Variants in SLC2A6 observed in about 807,000 individuals in gnomAD.
SLC2A6 encodes the protein solute carrier family 2 member 6, also known as solute carrier family 2, facilitated glucose transporter member 6.
SLC2A6 carries 39 observed loss-of-function variants against 47.8 expected under a neutral mutation model. That is an observed-to-expected ratio of 0.82 (90% CI 0.63 to 1.07). The LOEUF is 1.07. Ranked by LOEUF, SLC2A6 falls within the 50% of genes least tolerant of loss-of-function variation. The pLI, the probability that SLC2A6 is intolerant of heterozygous loss-of-function variation, is 0.00. For synonymous variants in SLC2A6, 346 were observed against 324.1 expected (o/e 1.07, Z -0.73); for missense variants, 650 against 707.6 (o/e 0.92, Z 0.92).
rs587642791 is a variant in SLC2A6 at position 133,474,128 on chromosome 9, C to G, written c.928-40G>C. The G allele has an allele frequency of 1.1e-5, 17 of 1,492,692 alleles. No homozygotes were observed. In the East Asian group the frequency reaches 4.0e-4, roughly 35 times the overall value. 92.5% of individuals were successfully genotyped at this position (1,492,692 alleles called of 1,614,324 possible). On this transcript the variant is annotated intron_variant, in intron 6 of 9. Coordinates refer to ENST00000371899, the MANE Select transcript of SLC2A6 (RefSeq NM_017585.4). ...CCACCAGGGCTGAGGGACCTGCCTGCTGTTCCCATCCCCCTCCAGGACCCA... is the reference window on the plus strand; with the variant it reads ...CCACCAGGGCTGAGGGACCTGCCTGGTGTTCCCATCCCCCTCCAGGACCCA...
chr9:133,472,096 C>G lies in SLC2A6; in HGVS notation c.1449G>C (p.Val483=). Residue 483 remains valine (V), a synonymous_variant, in exon 10 of 10, where the codon GTG becomes GTC. Transcript: ENST00000371899. ...LVSLVFTGCC[V]PETKGRSLEQ... ...CCAGGGACCGTCCCTTGGTCTCGGG[C>G]ACACAGCAGCCTGTGAACACCAGGC... 4.3e-6 allele frequency: 7 copies of G among 1,613,436 alleles called. No homozygotes were observed. Among genetic ancestry groups the G allele is most frequent in the Non-Finnish European group, 5.9e-6 (7 of 1,179,940 alleles).
chr9:133,477,315 G>T (rs1843995335), intron 2 of SLC2A6, 74 bp from the exon 3 acceptor site: 2 of 1,446,310 alleles, frequency 1.4e-6, no homozygotes, highest in Non-Finnish European at 9.4e-7. Context: ...TCCAGGGACA[G>T]CTTCTTCCCT....
At position 133,477,033 on chromosome 9, in the gene SLC2A6, A is replaced by C. The variant is rs1256313114; in HGVS notation, c.462+2T>G. The C allele has an allele frequency of 1.0e-5, 16 of 1,547,274 alleles. No individual in the cohort carries two copies. Among genetic ancestry groups the C allele is most frequent in the Admixed American group, 5.9e-5 (3 of 50,552 alleles). On this transcript the variant is annotated splice_donor_variant, in intron 3 of 9. Coordinates refer to ENST00000371899, the MANE Select transcript of SLC2A6 (RefSeq NM_017585.4). LOFTEE classifies it high-confidence loss of function. ...CGCCTGGGTGGGAAGGCCTGGCCTTACCGGGATGCAGGCAGCTGTGAGCCC... is the reference window on the plus strand; with the variant it reads ...CGCCTGGGTGGGAAGGCCTGGCCTTCCCGGGATGCAGGCAGCTGTGAGCCC...
rs1341746697 is a variant in SLC2A6 at position 133,472,064 on chromosome 9, A to T, written c.1481T>A (p.Ile494Asn). 7 of 1,613,168 alleles carry T rather than the reference A, an allele frequency of 4.3e-6. No homozygotes were observed. Among genetic ancestry groups the T allele is most frequent in the Non-Finnish European group, 5.9e-6 (7 of 1,179,882 alleles). The change falls in exon 10 of 10, where the codon ATC (isoleucine) becomes AAC (asparagine). Residue 494 changes from isoleucine to asparagine, a missense_variant. By Grantham distance (149) the Ile-to-Asn change is moderately radical (BLOSUM62 -3). Transcript: ENST00000371899. ...TCTCCCCGTGCGGAAGAAGGACTCG[A>T]TCTGCTCCAGGGACCGTCCCTTGGT... ...PETKGRSLEQ[I>N]ESFFRTGRRS...
At chr9:133,475,308 T>C (rs990723465) in intron 5 of SLC2A6, 92 bp downstream of exon 5, 1 of 1,413,024 alleles carries the variant, frequency 7.1e-7, no homozygotes, top group Non-Finnish European at 9.4e-7. Context: ...GGAACTACTG[T>C]GGTCCTGTCT....
chr9:133,478,457 C>A (rs782626700), intron 1 of SLC2A6, 41 bp from the exon 2 acceptor site: 3 of 1,609,718 alleles, frequency 1.9e-6, no homozygotes, highest in Non-Finnish European at 2.5e-6. Flanking sequence ...GTCTCTGAGT[C>A]CCTCCTCCAG....
rs1172735313 is a variant in SLC2A6, at chr9:133,472,024, G to A, written c.1521C>T (p.Arg507=). ...CCCTCCAGGCGGGGACCTTGACCTAGCGCAAGAAGGACCTTCTCCCCGTGC... is the reference window on the plus strand; with the variant it reads ...CCCTCCAGGCGGGGACCTTGACCTAACGCAAGAAGGACCTTCTCCCCGTGC... ...FFRTGRRSFL[R] is the part of the protein sequence containing the mutation. Residue 507 remains arginine, a synonymous_variant, in exon 10 of 10, where the codon CGC becomes CGT. Transcript: ENST00000371899. The A allele has an allele frequency of 6.2e-7, 1 of 1,612,322 alleles. No homozygotes were observed. Among genetic ancestry groups the A allele is most frequent in the African/African-American group, 1.3e-5 (1 of 74,874 alleles).
Position 133,478,994 on chromosome 9 carries a change from C to A in SLC2A6, c.66G>T (p.Pro22=), listed in dbSNP as rs781784912. 8.8e-6 allele frequency: 14 copies of A among 1,594,742 alleles called. No individual in the cohort carries two copies. The East Asian group carries it at 3.2e-4, about 37-fold the overall frequency. Residue 22 remains proline, a synonymous_variant, in exon 1 of 10, where the codon CCG becomes CCT. Transcript: ENST00000371899. ...DYDTFPEKPP[P]SPGDRARVGT... ...CGACCCGCGCCCTGTCCCCTGGCGA[C>A]GGGGGCGGCTTCTCGGGGAAGGTGT...
chr9:133,475,982 A>C (rs1843930009), intron 4 of SLC2A6, among the ~76,000 whole-genome samples: 1 of 152,258 alleles, frequency 6.6e-6, no homozygotes, highest in Non-Finnish European at 1.5e-5. Flanking sequence ...CTGCCGTTAA[A>C]AGATAGTCTG....
chr9:133,473,947 G>A lies in SLC2A6; in HGVS notation c.1036+33C>T. The A allele has an allele frequency of 2.6e-6, 4 of 1,517,844 alleles. 1 individual carries two copies. Among genetic ancestry groups the A allele is most frequent in the Non-Finnish European group, 2.7e-6 (3 of 1,108,350 alleles). The allele number at this position is 1,517,844 out of a possible 1,614,324, so 94.0% of individuals were successfully genotyped here. A position where few individuals can be genotyped will look rare whatever the true frequency, so the allele number is the denominator to read the frequency against. ...GCCCAGCCCTGACCCATGCGGAGGA[G>A]TGGGGCAGGAGGGCTGCCTGCAGGG... On this transcript the variant is annotated intron_variant, in intron 7 of 9. Transcript: ENST00000371899.
At chr9:133,476,974 A>G in intron 3 of SLC2A6, 61 bp downstream of exon 3, 3 of 1,510,702 alleles carry the variant, frequency 2.0e-6, no homozygotes, top group Non-Finnish European at 2.7e-6. Context: ...CCTTAGTCAG[A>G]TGGAGGCTCA....
At chr9:133,474,397 G>C (rs1219846043) in intron 6 of SLC2A6, among the ~76,000 whole-genome samples, 1 of 152,240 alleles carries the variant, frequency 6.6e-6, no homozygotes, top group South Asian at 2.1e-4. Context: ...GGGGCAGGCT[G>C]ATGGAGATGT....
At chr9:133,478,446 G>A (rs1844043961) in intron 1 of SLC2A6, 30 bp from the exon 2 acceptor site, 2 of 1,612,912 alleles carry the variant, frequency 1.2e-6, no homozygotes, top group African/African-American at 2.7e-5. Flanking sequence ...AAAAGACCAG[G>A]GTCTCTGAGT....
rs1005811912 is a variant in SLC2A6 at position 133,472,973 on chromosome 9, G to A, written c.1368+132C>T. On this transcript the variant is annotated intron_variant, in intron 9 of 9. Coordinates refer to ENST00000371899, the MANE Select transcript of SLC2A6 (RefSeq NM_017585.4). ...TCTGGGGTCTCTGAGTTCAGGGGGT[G>A]TGTGCTCATCTCCTAGGGTCACTGA... The A allele has an allele frequency of 5.3e-6, 5 of 936,794 alleles. No individual in the cohort carries two copies. In the African/African-American group the frequency reaches 8.4e-5, roughly 16 times the overall value. The allele number at this position is 936,794 out of a possible 1,614,324, so 58.0% of individuals were successfully genotyped here.
At chr9:133,476,971 C>T in intron 3 of SLC2A6, 64 bp downstream of exon 3, 2 of 1,500,810 alleles carry the variant, frequency 1.3e-6, no homozygotes, top group Non-Finnish European at 1.8e-6. Flanking sequence ...AGGCCTTAGT[C>T]AGATGGAGGC....
At position 133,477,028 on chromosome 9, in the gene SLC2A6, G is replaced by C. The variant is rs1554803529; in HGVS notation, c.462+7C>G. On this transcript the variant is annotated splice_region_variant and intron_variant, in intron 3 of 9. Coordinates refer to ENST00000371899, the MANE Select transcript of SLC2A6 (RefSeq NM_017585.4). ...TGGGGCGCCTGGGTGGGAAGGCCTG[G>C]CCTTACCGGGATGCAGGCAGCTGTG... is the stretch of plus-strand genomic sequence containing the variant. The C allele has an allele frequency of 1.3e-6, 2 of 1,547,552 alleles. No homozygotes were observed. The highest frequency in any genetic ancestry group is 1.7e-6 in the Non-Finnish European group (2 of 1,146,536).
intron 2 of SLC2A6, 147 bp downstream of exon 2, chr9:133,478,107 C>G: frequency 1.3e-6 from 1 of 771,352 alleles, no homozygotes; most frequent in Non-Finnish European, 2.1e-6. Context: ...TTACCCCACC[C>G]ACTAGTGGCC....
At chr9:133,472,225 T>C (rs1554801838) in intron 9 of SLC2A6, 49 bp from the exon 10 acceptor site, 2 of 1,602,174 alleles carry the variant, frequency 1.2e-6, no homozygotes. Flanking sequence ...TCCAGGGTCC[T>C]CCTGCCCCAG....
At chr9:133,477,458 C>T (rs1020693735) in intron 2 of SLC2A6, among the ~76,000 whole-genome samples, 1 of 152,216 alleles carries the variant, frequency 6.6e-6, no homozygotes, top group Non-Finnish European at 1.5e-5. Flanking sequence ...AGAGGTGCTG[C>T]GCCACATATC....
Sources: allele counts gnomAD v4.1 joint callset (sites outside exome capture counted in the v4.1 genomes callset), GRCh38; gene constraint gnomAD v4.1.1; transcripts MANE v1.5; gene names NCBI Gene and HGNC (gene_info 2026-07-23, HGNC 2026-07-21).